AOX1: variants seen among roughly 807,000 people sequenced by gnomAD.
The protein encoded by AOX1 is aldehyde oxidase 1, also known as aldehyde oxidase.
AOX1 carries 153 observed loss-of-function variants against 169.5 expected under a neutral mutation model. The observed-to-expected ratio is 0.90, with a 90% CI of 0.79 to 1.03. The LOEUF (loss-of-function observed/expected upper bound fraction) is 1.03. AOX1 is among the 50% of genes least tolerant of loss of function. AOX1 has a pLI of 0.00. For synonymous variants in AOX1, 562 were observed against 581.9 expected (o/e 0.97, Z 0.49); for missense variants, 1,656 against 1,663.9 (o/e 1.00, Z 0.08).
At chr2:200,663,545 A>AACACAC (rs530782102) in intron 31 of AOX1, among the ~76,000 whole-genome samples, 1,628 of 117,760 alleles carry the variant, frequency 0.014, 9 homozygotes, top group Middle Eastern at 0.027. Flanking sequence ...CATACACACA[A>AACACAC]ACACACACAC....
chr2:200,659,164 G>C lies in AOX1; in HGVS notation c.3172-1G>C. ...AAAGGAAACTCTCTCTTAAAATTCAGGTGGTCAGCCGTGAATTAAGAATGC... is the reference window on the plus strand; with the variant it reads ...AAAGGAAACTCTCTCTTAAAATTCACGTGGTCAGCCGTGAATTAAGAATGC... On this transcript the variant is annotated splice_acceptor_variant, in intron 27 of 34. Coordinates refer to ENST00000374700, the MANE Select transcript of AOX1 (RefSeq NM_001159.4). LOFTEE classifies it high-confidence loss of function. 1 of 1,613,554 alleles carries C rather than the reference G, an allele frequency of 6.2e-7. No individual in the cohort carries two copies. Among genetic ancestry groups the C allele is most frequent in the South Asian group, 1.1e-5 (1 of 90,968 alleles).
chr2:200,657,115 G>C (rs1301405079), intron 27 of AOX1, among the ~76,000 whole-genome samples, 178 bp downstream of exon 27: 7 of 144,214 alleles, frequency 4.9e-5, no homozygotes, highest in Non-Finnish European at 1.0e-4. Context: ...CTTAAGTGAA[G>C]GAGTTCGAGA....
At chr2:200,610,076 CT>C (rs11420110) in intron 12 of AOX1, among the ~76,000 whole-genome samples, 38 of 145,720 alleles carry the variant, frequency 2.6e-4, no homozygotes, top group Admixed American at 2.0e-4. Context: ...ATAAAACTAT[CT>C]TTTTTTTTTT....
chr2:200,668,543 G>C, intron 32 of AOX1, 72 bp from the exon 33 acceptor site: 1 of 1,311,866 alleles, frequency 7.6e-7, no homozygotes, highest in Non-Finnish European at 1.1e-6. Flanking sequence ...CAAACAGCAT[G>C]AAGTTGAAAT....
chr2:200,620,708 C>A lies in AOX1; in HGVS notation c.1763C>A (p.Ser588Tyr), dbSNP rs776798376. 6.3e-7 allele frequency: 1 copy of A among 1,597,476 alleles called. No individual in the cohort carries two copies. The highest frequency in any genetic ancestry group is 8.5e-7 in the Non-Finnish European group (1 of 1,174,786). ...DPIGHPIMHL[S>Y]GVKHATGEAI... Reference sequence around the variant, plus strand: ...ATTGGCCACCCCATCATGCATCTGTCTGGTGTGAAGCATGCCACGGGGGAG... The same window carrying A: ...ATTGGCCACCCCATCATGCATCTGTATGGTGTGAAGCATGCCACGGGGGAG... The change falls in exon 17 of 35, where the codon TCT (serine) becomes TAT (tyrosine). Residue 588 changes from serine (S) to tyrosine (Y), a missense_variant. By Grantham distance (144) the Ser-to-Tyr change is moderately radical (BLOSUM62 -2). Coordinates refer to ENST00000374700, the MANE Select transcript of AOX1 (RefSeq NM_001159.4).
At position 200,605,559 on chromosome 2, in the gene AOX1, G is replaced by C. The variant is rs373426863; in HGVS notation, c.838G>C (p.Val280Leu). Residue 280 changes from valine (V) to leucine (L), a missense_variant, in exon 10 of 35, where the codon GTC becomes CTC. Transcript: ENST00000374700. ...AGGGCCTGAAGTGAAATTTAAAGGCGTCTTTCACCCAGTTATAATTTCTCC... is the reference window on the plus strand; with the variant it reads ...AGGGCCTGAAGTGAAATTTAAAGGCCTCTTTCACCCAGTTATAATTTCTCC... ...SVGPEVKFKG[V>L]FHPVIISPDR... The C allele has an allele frequency of 6.5e-7, 1 of 1,545,156 alleles. No homozygotes were observed. The highest frequency in any genetic ancestry group is 1.4e-5 in the African/African-American group (1 of 71,210).
chr2:200,659,784 T>TCACA (rs61398097), intron 28 of AOX1, among the ~76,000 whole-genome samples: 6 of 79,578 alleles, frequency 7.5e-5, no homozygotes, highest in East Asian at 9.0e-4. Context: ...CAGTTCTCTC[T>TCACA]CTCACACACA....
chr2:200,660,940 A>G (rs1298340803), intron 29 of AOX1, among the ~76,000 whole-genome samples: 3 of 152,190 alleles, frequency 2.0e-5, no homozygotes, highest in Non-Finnish European at 4.4e-5. Context: ...GAGGTGCAGC[A>G]TGGAGAGTAG....
At chr2:200,631,833 G>A (rs1327542260) in intron 20 of AOX1, among the ~76,000 whole-genome samples, 1 of 152,142 alleles carries the variant, frequency 6.6e-6, no homozygotes, top group Non-Finnish European at 1.5e-5. Flanking sequence ...CTGCAAGCTT[G>A]AATGTAAGCC....
In AOX1 at chr2:200,670,757, C is replaced by A; in HGVS notation, c.*78C>A. The A allele has an allele frequency of 1.7e-6, 2 of 1,174,300 alleles. No homozygotes were observed. The highest frequency in any genetic ancestry group is 2.5e-6 in the Non-Finnish European group (2 of 799,686). The allele number at this position is 1,174,300 out of a possible 1,614,324, so 72.7% of individuals were successfully genotyped here. Reference sequence around the variant, plus strand: ...TGTCCTATCTCTGTGCTGGAAGATGCTAGATCTGAAAGACAGAGTTTCCAC... The same window carrying A: ...TGTCCTATCTCTGTGCTGGAAGATGATAGATCTGAAAGACAGAGTTTCCAC... On this transcript the variant is annotated 3_prime_UTR_variant, in exon 35 of 35. Coordinates refer to ENST00000374700, the MANE Select transcript of AOX1 (RefSeq NM_001159.4).
chr2:200,612,477 T>C, intron 13 of AOX1, 132 bp from the exon 14 acceptor site: 1 of 808,608 alleles, frequency 1.2e-6, no homozygotes, highest in Non-Finnish European at 2.1e-6. Context: ...ACACACACAC[T>C]ACCTGGTGTG....
At chr2:200,657,190 A>ATATATATATATATATATATATATATTTT in intron 27 of AOX1, among the ~76,000 whole-genome samples, 2 of 62,880 alleles carry the variant, frequency 3.2e-5, no homozygotes, top group Non-Finnish European at 2.6e-5. Context: ...ATATATATAT[A>ATATATATATATATATATATATATATTTT]TTTTTTTTTT....
chr2:200,604,062 C>G lies in AOX1; in HGVS notation c.634C>G (p.Pro212Ala), dbSNP rs529389023. The change falls in exon 8 of 35, where the codon CCA becomes GCA. Residue 212 changes from proline (P) to alanine (A), a missense_variant. Transcript: ENST00000374700. ...FAEEEFLPLD[P>A]TQELIFPPEL... ...AGAAGAGGAGTTTCTGCCATTGGATCCAACCCAGGAACTGATATTTCCTCC... is the reference window on the plus strand; with the variant it reads ...AGAAGAGGAGTTTCTGCCATTGGATGCAACCCAGGAACTGATATTTCCTCC... 6.8e-6 allele frequency: 11 copies of G among 1,613,414 alleles called. No individual in the cohort carries two copies. In the East Asian group the frequency reaches 2.5e-4, roughly 36 times the overall value.
intron 3 of AOX1, among the ~76,000 whole-genome samples, chr2:200,595,570 C>T (rs1006609156): frequency 2.6e-5 from 4 of 152,026 alleles, no homozygotes; most frequent in Admixed American, 1.3e-4. Flanking sequence ...GGATAACATA[C>T]GGTCAAAGAA....
At chr2:200,626,691 G>T (rs2035013003) in intron 19 of AOX1, among the ~76,000 whole-genome samples, 1 of 152,198 alleles carries the variant, frequency 6.6e-6, no homozygotes, top group Non-Finnish European at 1.5e-5. Context: ...GGTCCCAGGT[G>T]CTCTACTGCC....
At chr2:200,601,162 C>T (rs887558965) in intron 5 of AOX1, among the ~76,000 whole-genome samples, 4 of 144,386 alleles carry the variant, frequency 2.8e-5, no homozygotes, top group Admixed American at 1.5e-4. Context: ...TTTGCAACAA[C>T]GTAAATGAAC....
In AOX1 at chr2:200,603,456, G is replaced by A. The variant is rs552108524; in HGVS notation, c.588+100G>A. On this transcript the variant is annotated intron_variant, in intron 7 of 34. Transcript: ENST00000374700. ...AATGGCTACCCAAGTTGACTAACTT[G>A]AGGTATGTCAACATGTGCCCTCTCC... The A allele has an allele frequency of 2.4e-5, 21 of 874,000 alleles. No individual in the cohort carries two copies. In the African/African-American group the frequency reaches 3.2e-4, roughly 13 times the overall value. The allele number at this position is 874,000 out of a possible 1,614,324, so 54.1% of individuals were successfully genotyped here.
intron 31 of AOX1, among the ~76,000 whole-genome samples, chr2:200,665,400 C>T (rs369804049): frequency 9.9e-5 from 15 of 152,284 alleles, no homozygotes; most frequent in African/African-American, 3.1e-4. Context: ...ACAAAAGACA[C>T]GACAGACAGC....
intron 4 of AOX1, among the ~76,000 whole-genome samples, chr2:200,598,993 G>T (rs1376577709): frequency 1.3e-5 from 2 of 152,006 alleles, no homozygotes; most frequent in African/African-American, 4.8e-5. Flanking sequence ...TGTGAGACCT[G>T]GTCATACACA....
Sources: gnomAD v4.1 joint callset for allele counts (sites outside exome capture counted in the v4.1 genomes callset) on GRCh38, gnomAD v4.1.1 for gene constraint, MANE v1.5 for transcripts, NCBI Gene and HGNC (gene_info 2026-07-23, HGNC 2026-07-21) for gene names.